Variants in STAT5B observed in about 807,000 individuals in gnomAD.
The protein encoded by STAT5B is transcription factor STAT5B.
In STAT5B, 21 loss-of-function variants were observed where a neutral mutation model predicts 107.8. That is an observed-to-expected ratio of 0.19 (90% CI 0.14 to 0.28). The LOEUF is 0.28. Ranked by LOEUF, STAT5B falls within the 10% of genes least tolerant of loss-of-function variation. The pLI, the probability that STAT5B is intolerant of heterozygous loss-of-function variation, is 1.00. For missense variants in STAT5B, 565 were observed against 1,008.2 expected (o/e 0.56, Z 5.95); for synonymous variants, 325 against 401.7 (o/e 0.81, Z 2.28).
chr17:42,231,649 T>A (rs2144295640), intron 2 of STAT5B, among the ~76,000 whole-genome samples: 1 of 152,326 alleles, frequency 6.6e-6, no homozygotes, highest in African/African-American at 2.4e-5. Context: ...TTTTTTCATA[T>A]AAATTCTACT....
the STAT5B span, among the ~76,000 whole-genome samples, chr17:42,286,464 C>G: frequency 6.6e-6 from 1 of 152,098 alleles, no homozygotes; most frequent in Non-Finnish European, 1.5e-5. Flanking sequence ...CTTTTTAGGA[C>G]CTAGGACTAC....
At chr17:42,226,776 C>G (rs1473214706) in intron 3 of STAT5B, among the ~76,000 whole-genome samples, 2 of 144,054 alleles carry the variant, frequency 1.4e-5, no homozygotes, top group Non-Finnish European at 3.0e-5. Context: ...CCACTGCACT[C>G]CAGCCTGGGC....
chr17:42,280,804 A>C (rs986086732), upstream of STAT5B, among the ~76,000 whole-genome samples: 1 of 152,124 alleles, frequency 6.6e-6, no homozygotes, highest in Non-Finnish European at 1.5e-5. Context: ...TTGGTGGTGA[A>C]AAGTTAGATA....
intron 5 of STAT5B, 88 bp from the exon 6 acceptor site, chr17:42,219,930 G>A (rs2080210082): frequency 1.3e-6 from 2 of 1,593,494 alleles, no homozygotes; most frequent in East Asian, 2.3e-5. Context: ...TCTGGAGCGA[G>A]ACCCTCCTGG....
intron 1 of STAT5B, among the ~76,000 whole-genome samples, chr17:42,254,238 G>C (rs780543948): frequency 6.6e-6 from 1 of 152,102 alleles, no homozygotes; most frequent in Non-Finnish European, 1.5e-5. Context: ...AAATTAGCCA[G>C]GCGTGCTGGT....
chr17:42,241,446 T>C (rs977205028), intron 1 of STAT5B, among the ~76,000 whole-genome samples: 1 of 139,518 alleles, frequency 7.2e-6, no homozygotes, highest in Non-Finnish European at 1.5e-5. Context: ...AGTACAGCAA[T>C]TTTTTTTTTT....
intron 12 of STAT5B, 66 bp from the exon 13 acceptor site, chr17:42,212,256 A>G: frequency 6.2e-7 from 1 of 1,612,812 alleles, no homozygotes; most frequent in Non-Finnish European, 8.5e-7. Context: ...TCAAGCCACA[A>G]AAGAAAAACG....
At position 42,204,855 on chromosome 17, in the gene STAT5B, C is replaced by A. The variant is rs1257067540; in HGVS notation, c.2078-2047G>T. On this transcript the variant is annotated intron_variant, in intron 16 of 18. Transcript: ENST00000293328. ...TCTCAAACTCCTAGGCTCAAGCAAT[C>A]CTTCCTCCTCCGCCTTCTAATGTGC... Among the ~76,000 whole-genome samples, 3 of 152,146 alleles carry A rather than the reference C, an allele frequency of 2.0e-5. No individual in the cohort carries two copies. In the East Asian group the frequency reaches 5.8e-4, roughly 29 times the overall value.
chr17:42,217,256 G>A lies in STAT5B; in HGVS notation c.1284C>T (p.Asp428=), dbSNP rs2080179993. 1.2e-6 allele frequency: 2 copies of A among 1,614,158 alleles called. No individual in the cohort carries two copies. The highest frequency in any genetic ancestry group is 2.2e-5 in the East Asian group (1 of 44,886). The change falls in exon 11 of 19, where the codon GAC becomes GAT. Residue 428 remains aspartate, a synonymous_variant. Transcript: ENST00000293328. ...CTGTCACCGACTCTGCCCCACGACGGTCTGACCTCTTAATTCGTTTCAGGG... is the reference window on the plus strand; with the variant it reads ...CTGTCACCGACTCTGCCCCACGACGATCTGACCTCTTAATTCGTTTCAGGG... ...NMSLKRIKRS[D]RRGAESVTEE... is the part of the protein sequence containing the mutation.
At chr17:42,255,473 A>G (rs2080534846) in intron 1 of STAT5B, among the ~76,000 whole-genome samples, 1 of 152,222 alleles carries the variant, frequency 6.6e-6, no homozygotes, top group East Asian at 1.9e-4. Flanking sequence ...GTACAAAGCA[A>G]AAACTAAACA....
At chr17:42,248,726 T>C (rs2080473748) in intron 1 of STAT5B, among the ~76,000 whole-genome samples, 1 of 152,244 alleles carries the variant, frequency 6.6e-6, no homozygotes, top group Non-Finnish European at 1.5e-5. Flanking sequence ...CTTCTGTGTA[T>C]GTGTTCTTTC....
intron 3 of STAT5B, 148 bp from the exon 4 acceptor site, chr17:42,225,016 A>T: frequency 1.3e-6 from 1 of 770,170 alleles, no homozygotes; most frequent in Non-Finnish European, 2.3e-6. Context: ...AAGGCACATC[A>T]TGGAAATCCA....
intron 1 of STAT5B, among the ~76,000 whole-genome samples, chr17:42,266,223 T>A (rs1286076841): frequency 6.6e-6 from 1 of 151,950 alleles, no homozygotes. Context: ...CTCTTCACAT[T>A]TGGGTAATAA....
At chr17:42,214,417 C>A (rs1254594475) in intron 12 of STAT5B, 11 of 985,160 alleles carry the variant, frequency 1.1e-5, no homozygotes, top group Non-Finnish European at 1.2e-5. Context: ...TATGGTAAAT[C>A]TCTTAAAAAT....
intron 1 of STAT5B, among the ~76,000 whole-genome samples, chr17:42,248,563 A>G (rs2080471995): frequency 7.7e-6 from 1 of 130,466 alleles, no homozygotes; most frequent in Admixed American, 7.7e-5. Context: ...ACCGTCTCTC[A>G]CTATACCTCT....
At chr17:42,224,681 A>G (rs574997902) in intron 4 of STAT5B, 98 bp downstream of exon 4, 19 of 1,186,404 alleles carry the variant, frequency 1.6e-5, no homozygotes, top group Non-Finnish European at 2.3e-5. Flanking sequence ...AGAGACACCA[A>G]TAGTGCACCC....
In STAT5B at chr17:42,267,340, G is replaced by A. The variant is rs146375652; in HGVS notation, c.-11+8908C>T. Among the ~76,000 whole-genome samples the A allele has an allele frequency of 3.2e-4, 49 of 152,232 alleles. 1 individual carries two copies. Among genetic ancestry groups the A allele is most frequent in the South Asian group, 1.5e-3 (7 of 4,826 alleles). ...TCAGGCAGGTCCTTCAGGAGGCATT[G>A]TTATCACAAGAGATGACAGCTCCAT... On this transcript the variant is annotated intron_variant, in intron 1 of 18. Coordinates refer to ENST00000293328, the MANE Select transcript of STAT5B (RefSeq NM_012448.4).
At chr17:42,216,566 C>A (rs892887530) in intron 11 of STAT5B, among the ~76,000 whole-genome samples, 1 of 152,064 alleles carries the variant, frequency 6.6e-6, no homozygotes, top group Middle Eastern at 3.2e-3. Flanking sequence ...GTTGTTGAGA[C>A]GGGGTCTCAC....
chr17:42,268,175 G>T (rs1050043217), intron 1 of STAT5B, among the ~76,000 whole-genome samples: 4 of 152,052 alleles, frequency 2.6e-5, no homozygotes, highest in Admixed American at 1.3e-4. Context: ...AGTCCTGCAA[G>T]CTCCATTCCT....
Sources: gnomAD v4.1 joint callset for allele counts (sites outside exome capture counted in the v4.1 genomes callset) on GRCh38, gnomAD v4.1.1 for gene constraint, MANE v1.5 for transcripts, NCBI Gene and HGNC (gene_info 2026-07-23, HGNC 2026-07-21) for gene names.